The following ALG13 variants were observed in gnomAD, a reference collection of about 807,000 sequenced individuals.
ALG13 encodes the protein ALG13 UDP-N-acetylglucosaminyltransferase subunit.
Under a neutral mutation model 87.8 loss-of-function variants are expected in ALG13, and 11 were observed. The ratio of observed to expected loss-of-function variants is 0.13; its 90% CI spans 0.08 to 0.21. The LOEUF (loss-of-function observed/expected upper bound fraction) is 0.21. Among genes scored for constraint, ALG13 ranks in the 10% least tolerant of loss-of-function variants. The pLI is 1.00. For missense variants in ALG13, 756 were observed against 866.1 expected (o/e 0.87, Z 1.60); for synonymous variants, 320 against 306.3 (o/e 1.04, Z -0.47).
chrX:111,723,563 C>A (rs1440703181), intron 13 of ALG13, among the ~76,000 whole-genome samples: 3 of 111,029 alleles, frequency 2.7e-5, no homozygotes, highest in African/African-American at 9.9e-5. Flanking sequence ...AGCCACCACA[C>A]CCAGCCGAAA....
intron 3 of ALG13, among the ~76,000 whole-genome samples, chrX:111,707,307 C>T (rs1024671363): frequency 8.9e-6 from 1 of 112,307 alleles, no homozygotes; most frequent in African/African-American, 3.2e-5. Context: ...TTTTTATTTC[C>T]ATTTTTAAAG....
chrX:111,752,424 T>C (rs1325828357), intron 24 of ALG13, among the ~76,000 whole-genome samples: 1 of 110,910 alleles, frequency 9.0e-6, no homozygotes, highest in Non-Finnish European at 1.9e-5. Context: ...AGCTTTTTTT[T>C]TTCTTTTTTG....
In ALG13 at chrX:111,727,610, T is replaced by G. The variant is rs1306909922; in HGVS notation, c.2091-4T>G. ...TTACTTTTTTATTATTTGAACCACT[T>G]AAGTTCATTTAGACGTAGTCACCGC... On this transcript the variant is annotated splice_region_variant and splice_polypyrimidine_tract_variant and intron_variant, in intron 17 of 26. Transcript: ENST00000394780. The G allele has an allele frequency of 2.5e-6, 3 of 1,196,752 alleles. No homozygotes were observed. Among genetic ancestry groups the G allele is most frequent in the Non-Finnish European group, 3.4e-6 (3 of 888,688 alleles).
intron 4 of ALG13, among the ~76,000 whole-genome samples, 186 bp downstream of exon 4, chrX:111,708,579 A>G (rs901866334): frequency 9.0e-6 from 1 of 111,484 alleles, no homozygotes; most frequent in Non-Finnish European, 1.9e-5. Context: ...TGAATAGTCT[A>G]TATTGCTGAA....
At chrX:111,706,060 T>C (rs1048431918) in intron 3 of ALG13, among the ~76,000 whole-genome samples, 3 of 98,762 alleles carry the variant, frequency 3.0e-5, no homozygotes, top group African/African-American at 1.3e-4. Context: ...TTATAATCCC[T>C]TTTTTTTTTT....
chrX:111,743,826 AATG>A (rs1943971968), intron 23 of ALG13: 1 of 111,439 alleles, frequency 9.0e-6, no homozygotes, highest in Admixed American at 9.6e-5. Context: ...CAGATAACAA[AATG>A]ATGAAATTTT....
chrX:111,726,237 T>G (rs113542594), intron 15 of ALG13, among the ~76,000 whole-genome samples: 87 of 96,507 alleles, frequency 9.0e-4, no homozygotes, highest in South Asian at 2.1e-3. Flanking sequence ...GTTTTGTTTT[T>G]TTTTTTTTTT....
In ALG13 at chrX:111,713,293, A is replaced by G. The variant is rs1940092970; in HGVS notation, c.1001A>G (p.Asp334Gly). ...TATGTCACAGATAATGGCTATGAAG[A>G]CAAGGTAAGAAGATGAGTGAATGTT... ...PTYVTDNGYEDKILLCYSSSG... is the reference protein window; with the variant it reads ...PTYVTDNGYEGKILLCYSSSG... The change falls in exon 8 of 27, where the codon GAC becomes GGC. Residue 334 changes from aspartate to glycine, a missense_variant. By Grantham distance (94) the Asp-to-Gly change is moderately conservative. Around this residue, in one of 9 missense-constraint regions of ALG13, gnomAD observed 60 missense variants for 54.5 expected, o/e 1.10. Transcript: ENST00000394780. The G allele has an allele frequency of 8.6e-7, 1 of 1,167,083 alleles. No individual in the cohort carries two copies. Among genetic ancestry groups the G allele is most frequent in the Admixed American group, 2.2e-5 (1 of 44,760 alleles).
chrX:111,742,438 G>GC (rs1413085970), intron 23 of ALG13, among the ~76,000 whole-genome samples: 2 of 99,929 alleles, frequency 2.0e-5, no homozygotes, highest in African/African-American at 7.4e-5. Flanking sequence ...TTAATGGAAT[G>GC]CCAAAAAAAA....
intron 15 of ALG13, among the ~76,000 whole-genome samples, chrX:111,726,472 TCCAC>T (rs1457993148): frequency 9.2e-6 from 1 of 109,263 alleles, no homozygotes; most frequent in African/African-American, 3.3e-5. Context: ...CCTCAAGTGA[TCCAC>T]CCACCTCGGC....
intron 3 of ALG13, among the ~76,000 whole-genome samples, chrX:111,694,019 GTTTTTA>G (rs1368588336): frequency 9.1e-6 from 1 of 109,996 alleles, no homozygotes; most frequent in East Asian, 2.8e-4. Flanking sequence ...GTAATTCCCA[GTTTTTA>G]TTTTTATTTC....
chrX:111,730,004 A>T (rs903150329), intron 19 of ALG13, among the ~76,000 whole-genome samples: 3 of 112,397 alleles, frequency 2.7e-5, no homozygotes, highest in African/African-American at 9.7e-5. Flanking sequence ...TACAGTGAAG[A>T]ATTGAGGCAC....
At chrX:111,691,796 CCA>C (rs1021529729) in intron 3 of ALG13, among the ~76,000 whole-genome samples, 3 of 112,528 alleles carry the variant, frequency 2.7e-5, no homozygotes, top group African/African-American at 6.5e-5. Context: ...ACTTAAAAAA[CCA>C]CAGTGATGGC....
At chrX:111,711,602 G>A in intron 5 of ALG13, 73 bp from the exon 6 acceptor site, 1 of 991,531 alleles carries the variant, frequency 1.0e-6, no homozygotes, top group Non-Finnish European at 1.4e-6. Flanking sequence ...CGCATTGCAG[G>A]ATAATGTAGA....
chrX:111,723,959 TATTAA>T (rs1198309520), intron 14 of ALG13, 61 bp downstream of exon 14: 8 of 749,182 alleles, frequency 1.1e-5, no homozygotes, highest in Non-Finnish European at 1.2e-5. Flanking sequence ...CATTTCGTAA[TATTAA>T]ATTGAGAATT....
intron 3 of ALG13, among the ~76,000 whole-genome samples, chrX:111,686,867 A>G (rs904998587): frequency 8.9e-6 from 1 of 112,529 alleles, no homozygotes; most frequent in Non-Finnish European, 1.9e-5. Flanking sequence ...ATTTTTTTAC[A>G]GTTTTAAATG....
At chrX:111,703,676 G>A (rs1938286358) in intron 3 of ALG13, among the ~76,000 whole-genome samples, 1 of 111,899 alleles carries the variant, frequency 8.9e-6, no homozygotes. Context: ...TTTGAGATAC[G>A]TGTTCTTTTA....
In ALG13 at chrX:111,689,912, G is replaced by T. The variant is rs759862491; in HGVS notation, c.383+4809G>T. On this transcript the variant is annotated intron_variant, in intron 3 of 26. Coordinates refer to ENST00000394780, the MANE Select transcript of ALG13 (RefSeq NM_001099922.3). ...TTAGTAGGAATTTCACACTTAACTGGGTTTTCCTTTGGCGTATGACAACCT... is the reference window on the plus strand; with the variant it reads ...TTAGTAGGAATTTCACACTTAACTGTGTTTTCCTTTGGCGTATGACAACCT... 4.1e-5 allele frequency: 31 copies of T among 752,149 alleles called. No individual in the cohort carries two copies. The South Asian group carries it at 2.0e-3, about 48-fold the overall frequency. The allele number at this position is 752,149 out of a possible 1,213,427, so 62.0% of individuals were successfully genotyped here. A position where few individuals can be genotyped will look rare whatever the true frequency, so the allele number is the denominator to read the frequency against.
chrX:111,706,377 G>A (rs1232662367), intron 3 of ALG13, among the ~76,000 whole-genome samples: 1 of 112,481 alleles, frequency 8.9e-6, no homozygotes, highest in Non-Finnish European at 1.9e-5. Flanking sequence ...TGACCTTAAC[G>A]AAAGATGGCA....
Sources: allele counts gnomAD v4.1 joint callset (sites outside exome capture counted in the v4.1 genomes callset), GRCh38; gene constraint gnomAD v4.1.1; regional missense constraint gnomAD v4.1.1; transcripts MANE v1.5; gene names NCBI Gene and HGNC (gene_info 2026-07-23, HGNC 2026-07-21).